The following DCLK2 variants were observed in gnomAD, a reference collection of about 807,000 sequenced individuals.
DCLK2 encodes the protein serine/threonine-protein kinase DCLK2.
In DCLK2, 31 loss-of-function variants were observed where a neutral mutation model predicts 78.4. The observed-to-expected ratio is 0.40, with a 90% CI of 0.30 to 0.53. The LOEUF is 0.53. DCLK2 is among the 20% of genes least tolerant of loss of function. The probability of loss-of-function intolerance (pLI) is 0.61; values close to 1 mark genes in which losing one functional copy is unlikely to be tolerated. For synonymous variants in DCLK2, 407 were observed against 374.9 expected (o/e 1.09, Z -0.99); for missense variants, 872 against 973.7 (o/e 0.90, Z 1.39).
At chr4:150,232,255 G>A in intron 8 of DCLK2, 82 bp from the exon 9 acceptor site, 3 of 1,527,036 alleles carry the variant, frequency 2.0e-6, no homozygotes, top group Non-Finnish European at 2.7e-6. Context: ...CACAGGCTGT[G>A]TTTGTTTTGC....
At chr4:150,146,122 G>A (rs772088059) in intron 2 of DCLK2, among the ~76,000 whole-genome samples, 1 of 152,188 alleles carries the variant, frequency 6.6e-6, no homozygotes, top group Non-Finnish European at 1.5e-5. Flanking sequence ...GACTCATTCT[G>A]AGATAAAACC....
intron 4 of DCLK2, 97 bp downstream of exon 4, chr4:150,198,200 C>G (rs1213990158): frequency 5.8e-6 from 6 of 1,040,508 alleles, no homozygotes; most frequent in Non-Finnish European, 8.1e-6. Context: ...TTGCCAGGGT[C>G]GTATGCAGCC....
At chr4:150,147,000 G>A (rs1312375141) in intron 2 of DCLK2, among the ~76,000 whole-genome samples, 8 of 151,958 alleles carry the variant, frequency 5.3e-5, no homozygotes, top group Non-Finnish European at 1.0e-4. Context: ...AATACTGTAT[G>A]TGGCCAAGTG....
chr4:150,117,424 C>T (rs1233782859), intron 2 of DCLK2, among the ~76,000 whole-genome samples: 1 of 152,180 alleles, frequency 6.6e-6, no homozygotes, highest in Non-Finnish European at 1.5e-5. Context: ...CTTGGTCTGC[C>T]CATGAAGCAG....
intron 1 of DCLK2, among the ~76,000 whole-genome samples, chr4:150,079,715 A>G (rs973604688): frequency 6.6e-6 from 1 of 150,886 alleles, no homozygotes; most frequent in Non-Finnish European, 1.5e-5. Context: ...GGCATCTCCT[A>G]AGATTGTTGA....
chr4:150,184,078 C>CAAAG (rs1560844011), intron 2 of DCLK2, among the ~76,000 whole-genome samples: 5 of 152,184 alleles, frequency 3.3e-5, no homozygotes. Context: ...ATGTATTAAG[C>CAAAG]AAAGCCTATA....
Position 150,194,022 on chromosome 4 carries a change from GACACACACACACACACACAC to G in DCLK2, c.859+813_859+832del, listed in dbSNP as rs58179559. The stretch of plus-strand genomic sequence containing the variant: ...CCACCTCAGCCTCCCAAAGTGCTGG[GACACACACACACACACACAC>G]ACACACACACACACACACACACACA... On this transcript the variant is annotated intron_variant, in intron 3 of 15. Transcript: ENST00000296550. Among the ~76,000 whole-genome samples the G allele has an allele frequency of 6.5e-3, 869 of 133,838 alleles. 9 individuals carry two copies. Among genetic ancestry groups the G allele is most frequent in the African/African-American group, 0.014 (501 of 35,152 alleles). The allele number at this position is 133,838 out of a possible 152,430, so 87.8% of individuals were successfully genotyped here.
chr4:150,198,994 T>G, intron 4 of DCLK2: 1 of 1,508,784 alleles, frequency 6.6e-7, no homozygotes, highest in Non-Finnish European at 8.9e-7. Flanking sequence ...CTCTCCTTAC[T>G]GTCTTCTACT....
At chr4:150,198,924 T>A in intron 4 of DCLK2, 12 of 229,144 alleles carry the variant, frequency 5.2e-5, no homozygotes, top group Non-Finnish European at 1.1e-4. Flanking sequence ...CCCCCCCCAC[T>A]TTCTGTAGGG....
Position 150,168,154 on chromosome 4 carries a change from T to C in DCLK2, c.757-24984T>C, listed in dbSNP as rs980524527. On this transcript the variant is annotated intron_variant, in intron 2 of 15. Transcript: ENST00000296550. ...GTCAGGAGATCGAGACCATCCTGGC[T>C]AACACAGTGAAACCCCGTCTCTACT... 1.4e-4 allele frequency among the ~76,000 whole-genome samples: 21 copies of C among 152,132 alleles called. No individual in the cohort carries two copies. In the East Asian group the frequency reaches 2.3e-3, roughly 17 times the overall value.
At position 150,100,013 on chromosome 4, in the gene DCLK2, A is replaced by G. The variant is rs527699597; in HGVS notation, c.422-2465A>G. On this transcript the variant is annotated intron_variant, in intron 1 of 15. Transcript: ENST00000296550. ...CTGTAGCCTTGAACTCCTGAGCTCA[A>G]GTGATCCTCCTGTCTCAGCCTCCTG... Among the ~76,000 whole-genome samples the G allele has an allele frequency of 4.6e-5, 7 of 152,282 alleles. No homozygotes were observed. The East Asian group carries it at 9.7e-4, about 21-fold the overall frequency.
rs1733762118 is a variant in DCLK2 at position 150,137,268 on chromosome 4, C to T, written c.756+34456C>T. Among the ~76,000 whole-genome samples, 6 of 152,250 alleles carry T rather than the reference C, an allele frequency of 3.9e-5. No individual in the cohort carries two copies. The South Asian group carries it at 1.0e-3, about 26-fold the overall frequency. Reference sequence around the variant, plus strand: ...TCTGGGGCAGCTTCCCTCCACATGTCTCTCATCCTGCTTCCACCAGCAGGC... The same window carrying T: ...TCTGGGGCAGCTTCCCTCCACATGTTTCTCATCCTGCTTCCACCAGCAGGC... On this transcript the variant is annotated intron_variant, in intron 2 of 15. Coordinates refer to ENST00000296550, the MANE Select transcript of DCLK2 (RefSeq NM_001040260.4).
chr4:150,120,973 A>G (rs1169153106), intron 2 of DCLK2, among the ~76,000 whole-genome samples: 2 of 152,170 alleles, frequency 1.3e-5, no homozygotes, highest in African/African-American at 2.4e-5. Flanking sequence ...TGGGAGGCTG[A>G]GGCACAAGAA....
At chr4:150,136,976 C>CTCCTTTT (rs1733734239) in intron 2 of DCLK2, among the ~76,000 whole-genome samples, 1 of 110,702 alleles carries the variant, frequency 9.0e-6, no homozygotes, top group African/African-American at 3.2e-5. Context: ...TCTTCTTCTT[C>CTCCTTTT]TTCTTTTTTT....
In DCLK2 at chr4:150,086,651, C is replaced by T. The variant is rs183141714; in HGVS notation, c.421+7203C>T. ...CCTACCGAGTAGCTGGGACTACAGGCGCCCACCACCACGCCCTGCTAATTT... is the reference window on the plus strand; with the variant it reads ...CCTACCGAGTAGCTGGGACTACAGGTGCCCACCACCACGCCCTGCTAATTT... On this transcript the variant is annotated intron_variant, in intron 1 of 15. Coordinates refer to ENST00000296550, the MANE Select transcript of DCLK2 (RefSeq NM_001040260.4). 2.2e-3 allele frequency among the ~76,000 whole-genome samples: 340 copies of T among 152,114 alleles called. 2 individuals are homozygous for T. The highest frequency in any genetic ancestry group is 7.8e-3 in the African/African-American group (323 of 41,466).
At chr4:150,085,845 G>GT (rs534893062) in intron 1 of DCLK2, among the ~76,000 whole-genome samples, 95 of 152,282 alleles carry the variant, frequency 6.2e-4, no homozygotes, top group Middle Eastern at 3.4e-3. Flanking sequence ...AAGTCACTCT[G>GT]TTTTTTGTAT....
intron 8 of DCLK2, among the ~76,000 whole-genome samples, chr4:150,227,072 A>T (rs551533018): frequency 6.6e-6 from 1 of 152,320 alleles, no homozygotes; most frequent in Admixed American, 6.5e-5. Context: ...AGTTTTACAG[A>T]TAAGGAAACA....
At chr4:150,106,269 A>G (rs1232672375) in intron 2 of DCLK2, among the ~76,000 whole-genome samples, 1 of 152,182 alleles carries the variant, frequency 6.6e-6, no homozygotes, top group Non-Finnish European at 1.5e-5. Context: ...TGGTTGATAT[A>G]AGTATAAAGA....
intron 12 of DCLK2, among the ~76,000 whole-genome samples, chr4:150,242,779 A>C (rs1743023457): frequency 6.6e-6 from 1 of 152,236 alleles, no homozygotes; most frequent in Non-Finnish European, 1.5e-5. Context: ...TAAGCAAATC[A>C]AGTCAAACAG....
Sources: gnomAD v4.1 joint callset for allele counts (sites outside exome capture counted in the v4.1 genomes callset) on GRCh38, gnomAD v4.1.1 for gene constraint, MANE v1.5 for transcripts, NCBI Gene and HGNC (gene_info 2026-07-23, HGNC 2026-07-21) for gene names.